The following COG5 variants were observed in gnomAD, a reference collection of about 807,000 sequenced individuals.
COG5 encodes component of oligomeric golgi complex 5.
In COG5, 86 loss-of-function variants were observed where a neutral mutation model predicts 110.4. The ratio of observed to expected loss-of-function variants is 0.78; its 90% CI spans 0.65 to 0.93. The LOEUF (loss-of-function observed/expected upper bound fraction) is 0.93. COG5 is among the 40% of genes least tolerant of loss of function. COG5 has a pLI of 0.00. For missense variants in COG5, 1,077 were observed against 987.0 expected, an observed-to-expected ratio of 1.09 and a Z score of -1.22; for synonymous variants, 360 against 334.6, an observed-to-expected ratio of 1.08 and a Z score of -0.83.
chr7:107,364,553 T>G (rs1813428608), intron 8 of COG5, among the ~76,000 whole-genome samples: 2 of 152,030 alleles, frequency 1.3e-5, no homozygotes, highest in South Asian at 4.1e-4. Context: ...AATGTTTCAA[T>G]AAAAAAATAG....
chr7:107,251,057 A>AT (rs1281051064), intron 16 of COG5, among the ~76,000 whole-genome samples: 4 of 149,722 alleles, frequency 2.7e-5, no homozygotes, highest in African/African-American at 9.8e-5. Flanking sequence ...AAACAGGATA[A>AT]TTTTGATGAG....
intron 10 of COG5, among the ~76,000 whole-genome samples, chr7:107,346,542 C>T (rs1811621630): frequency 1.3e-5 from 2 of 152,114 alleles, no homozygotes; most frequent in South Asian, 4.1e-4. Flanking sequence ...TTTTTAAAGT[C>T]TAAGCATTCC....
At chr7:107,441,174 G>T (rs1364855501) in intron 6 of COG5, among the ~76,000 whole-genome samples, 1 of 142,858 alleles carries the variant, frequency 7.0e-6, no homozygotes, top group African/African-American at 2.6e-5. Flanking sequence ...AGAATGGCTT[G>T]AACCCAGGGG....
intron 5 of COG5, among the ~76,000 whole-genome samples, chr7:107,543,445 T>C (rs1054106558): frequency 3.3e-5 from 5 of 151,942 alleles, no homozygotes; most frequent in African/African-American, 1.2e-4. Context: ...TCCAGGCCAG[T>C]ACTTCCAGAC....
intron 10 of COG5, among the ~76,000 whole-genome samples, chr7:107,354,552 T>C (rs1166676737): frequency 6.6e-6 from 1 of 152,096 alleles, no homozygotes. Context: ...GGTGGGTGCA[T>C]GTAATCCCAG....
chr7:107,385,470 G>A (rs1790118027), intron 7 of COG5, among the ~76,000 whole-genome samples: 1 of 152,160 alleles, frequency 6.6e-6, no homozygotes, highest in Admixed American at 6.5e-5. Context: ...GTCCATTGAT[G>A]GATGAATGGA....
chr7:107,508,596 T>C (rs1161287603), intron 6 of COG5, among the ~76,000 whole-genome samples: 1 of 152,222 alleles, frequency 6.6e-6, no homozygotes, highest in Non-Finnish European at 1.5e-5. Context: ...AGTGGGTCCG[T>C]GACCCCCGAG....
At chr7:107,301,614 T>C (rs1159303647) in intron 11 of COG5, among the ~76,000 whole-genome samples, 6 of 152,010 alleles carry the variant, frequency 3.9e-5, no homozygotes, top group African/African-American at 7.2e-5. Flanking sequence ...GCTTGTGTAG[T>C]GAATAGTACT....
At chr7:107,230,547 T>A in intron 19 of COG5, 68 bp downstream of exon 19, 4 of 1,212,050 alleles carry the variant, frequency 3.3e-6, no homozygotes, top group Non-Finnish European at 4.9e-6. Context: ...TTTATGAAGT[T>A]CAACCTGCAC....
rs546100348 is a variant in COG5, at chr7:107,413,861, T to C, written c.539-1229A>G. Among the ~76,000 whole-genome samples, 7 of 152,220 alleles carry C rather than the reference T, an allele frequency of 4.6e-5. No homozygotes were observed. In the South Asian group the frequency reaches 1.4e-3, roughly 32 times the overall value. ...GTTATTTGTAATTTTCTAAACAATC[T>C]TGCTAGAAATCTCATCATACCTAGA... is the stretch of plus-strand genomic sequence containing the variant. On this transcript the variant is annotated intron_variant, in intron 6 of 21. Transcript: ENST00000297135.
intron 10 of COG5, among the ~76,000 whole-genome samples, chr7:107,337,718 A>C (rs1023899225): frequency 1.3e-5 from 2 of 152,144 alleles, no homozygotes; most frequent in African/African-American, 4.8e-5. Context: ...AGAAGAAATA[A>C]GTTCTAATGT....
intron 6 of COG5, among the ~76,000 whole-genome samples, chr7:107,430,262 T>C (rs1031149717): frequency 1.3e-5 from 2 of 152,222 alleles, no homozygotes; most frequent in Non-Finnish European, 2.9e-5. Context: ...AGTTCCTTTT[T>C]TGCATGGTAT....
intron 11 of COG5, among the ~76,000 whole-genome samples, chr7:107,315,888 G>A (rs1020408584): frequency 3.9e-5 from 6 of 152,192 alleles, no homozygotes; most frequent in African/African-American, 1.4e-4. Flanking sequence ...TTCCTAAGGT[G>A]AAATATTAAT....
At chr7:107,427,555 C>T (rs1793728845) in intron 6 of COG5, among the ~76,000 whole-genome samples, 1 of 151,806 alleles carries the variant, frequency 6.6e-6, no homozygotes, top group Non-Finnish European at 1.5e-5. Context: ...GCAGGGTTTT[C>T]CCAGGTGTAA....
chr7:107,422,652 C>T (rs897860131), intron 6 of COG5, among the ~76,000 whole-genome samples: 3 of 151,440 alleles, frequency 2.0e-5, no homozygotes, highest in Non-Finnish European at 4.4e-5. Context: ...ACATTTTCCA[C>T]TAACATCTGT....
At chr7:107,408,573 G>T (rs1333047322) in intron 7 of COG5, among the ~76,000 whole-genome samples, 1 of 152,176 alleles carries the variant, frequency 6.6e-6, no homozygotes, top group East Asian at 1.9e-4. Flanking sequence ...TTAACTATAA[G>T]AACTTGTTTG....
intron 6 of COG5, among the ~76,000 whole-genome samples, chr7:107,415,190 G>C (rs189374741): frequency 6.6e-6 from 1 of 152,206 alleles, no homozygotes; most frequent in Non-Finnish European, 1.5e-5. Context: ...AGGAATGCAC[G>C]TATGAAATTG....
At position 107,415,953 on chromosome 7, in the gene COG5, T is replaced by C. The variant is rs568590056; in HGVS notation, c.539-3321A>G. Among the ~76,000 whole-genome samples, 47 of 108,094 alleles carry C rather than the reference T, an allele frequency of 4.3e-4. 5 individuals are homozygous for C. The highest frequency in any genetic ancestry group is 4.1e-3 in the South Asian group (15 of 3,694). 70.9% of individuals were successfully genotyped at this position (108,094 alleles called of 152,430 possible). A position where few individuals can be genotyped will look rare whatever the true frequency, so the allele number is the denominator to read the frequency against. ...ACACACATACACGTATGTATGTATG[T>C]GTGTGTATATACACACACATACACG... is the stretch of plus-strand genomic sequence containing the variant. On this transcript the variant is annotated intron_variant, in intron 6 of 21. Coordinates refer to ENST00000297135, the MANE Select transcript of COG5 (RefSeq NM_006348.5).
intron 8 of COG5, among the ~76,000 whole-genome samples, 165 bp downstream of exon 8, chr7:107,372,430 C>T (rs973156488): frequency 1.3e-4 from 19 of 151,886 alleles, no homozygotes; most frequent in Non-Finnish European, 2.5e-4. Flanking sequence ...ACTGATTAGA[C>T]AAAAAAGATA....
Sources: allele counts gnomAD v4.1 joint callset (sites outside exome capture counted in the v4.1 genomes callset), GRCh38; gene constraint gnomAD v4.1.1; transcripts MANE v1.5; gene names NCBI Gene and HGNC (gene_info 2026-07-23, HGNC 2026-07-21).